ALMS1: variants seen among roughly 807,000 people sequenced by gnomAD.
The protein encoded by ALMS1 is ALMS1 centrosome and basal body associated protein, also known as centrosome-associated protein ALMS1.
A neutral mutation model predicts 352.2 loss-of-function variants in ALMS1; 271 were observed. That is an observed-to-expected ratio of 0.77 (90% confidence interval 0.70 to 0.85). The LOEUF is 0.85. ALMS1 is among the 40% of genes least tolerant of loss of function. The probability of loss-of-function intolerance (pLI) is 0.00; values close to 1 mark genes in which losing one functional copy is unlikely to be tolerated. For synonymous variants in ALMS1, 1,865 were observed against 1,761.2 expected (o/e 1.06, Z -1.48); for missense variants, 5,445 against 4,870.7 (o/e 1.12, Z -3.51).
In ALMS1 at chr2:73,467,394, A is replaced by G. The variant is rs376006726; in HGVS notation, c.7674+12099A>G. On this transcript the variant is annotated intron_variant, in intron 9 of 22. Transcript: ENST00000613296. ...ATATCACTGCCTGTTTGGTAATGCA[A>G]GTTAACCATAATGAGATACTGCTTC... 2.2e-4 allele frequency among the ~76,000 whole-genome samples: 33 copies of G among 152,246 alleles called. No homozygotes were observed. In the East Asian group the frequency reaches 5.8e-3, roughly 27 times the overall value.
intron 16 of ALMS1, among the ~76,000 whole-genome samples, chr2:73,577,211 G>C (rs1675071524): frequency 6.6e-6 from 1 of 152,122 alleles, no homozygotes; most frequent in African/African-American, 2.4e-5. Context: ...GTTTGAGAAG[G>C]ATTAATGTTA....
intron 20 of ALMS1, 142 bp from the exon 21 acceptor site, chr2:73,603,099 T>C: frequency 3.6e-5 from 27 of 752,236 alleles, no homozygotes; most frequent in South Asian, 3.6e-4. Flanking sequence ...TTACACTGGC[T>C]TGCCTTGGTC....
chr2:73,450,860 C>T lies in ALMS1; in HGVS notation c.4333C>T (p.His1445Tyr), dbSNP rs746087402. The T allele has an allele frequency of 1.2e-6, 2 of 1,614,088 alleles. No homozygotes were observed. The highest frequency in any genetic ancestry group is 1.7e-4 in the Middle Eastern group (1 of 6,060). ...TAGTTTCTACCAACAGGTCTTGCCA[C>T]ATAGTCATCTACCTGAAGAGGCTTT... ...PGSFYQQVLPHSHLPEEALEV... is the reference protein window; with the variant it reads ...PGSFYQQVLPYSHLPEEALEV... Residue 1445 changes from histidine to tyrosine, a missense_variant, in exon 8 of 23, where the codon CAT (histidine) becomes TAT (tyrosine). Coordinates refer to ENST00000613296, the MANE Select transcript of ALMS1 (RefSeq NM_001378454.1).
In ALMS1 at chr2:73,490,869, A is replaced by G; in HGVS notation, c.8910A>G (p.Gln2970=). 1 of 1,613,984 alleles carries G rather than the reference A, an allele frequency of 6.2e-7. No individual in the cohort carries two copies. Among genetic ancestry groups the G allele is most frequent in the Non-Finnish European group, 8.5e-7 (1 of 1,180,012 alleles). ...LPSPISLEQC[Q]SKAPGVDDQM... ...CTCCCATTTCTCTTGAACAATGCCA[A>G]AGCAAAGCGCCAGGTGTAGATGACC... Residue 2970 remains glutamine, a synonymous_variant, in exon 10 of 23, where the codon CAA becomes CAG. Transcript: ENST00000613296.
At chr2:73,597,554 T>A (rs13407099) in intron 16 of ALMS1, among the ~76,000 whole-genome samples, 1 of 152,318 alleles carries the variant, frequency 6.6e-6, no homozygotes, top group African/African-American at 2.4e-5. Flanking sequence ...GTTCCCTTTT[T>A]TAAGGAGAAA....
chr2:73,428,259 A>G (rs1278738663), intron 6 of ALMS1, among the ~76,000 whole-genome samples: 10 of 152,158 alleles, frequency 6.6e-5, no homozygotes, highest in African/African-American at 1.9e-4. Flanking sequence ...CTATTTTGCA[A>G]TTGACACTTA....
In ALMS1 at chr2:73,451,989, C is replaced by T. The variant is rs200266868; in HGVS notation, c.5462C>T (p.Pro1821Leu). 261 of 1,613,398 alleles carry T rather than the reference C, an allele frequency of 1.6e-4. 1 individual carries two copies. The highest frequency in any genetic ancestry group is 1.3e-3 in the Admixed American group (75 of 59,986). Residue 1821 changes from proline (P) to leucine (L), a missense_variant, in exon 8 of 23, where the codon CCG (proline) becomes CTG (leucine). Physicochemically the swap from Pro to Leu is moderately conservative, Grantham distance 98. Coordinates refer to ENST00000613296, the MANE Select transcript of ALMS1 (RefSeq NM_001378454.1). ...ATTGTTTCCTACCAGCGAGAGTTGCCGCATTTTACTGAAGCAGGTTTGAAA... is the reference window on the plus strand; with the variant it reads ...ATTGTTTCCTACCAGCGAGAGTTGCTGCATTTTACTGAAGCAGGTTTGAAA... ...KPIVSYQRELPHFTEAGLKIL... is the reference protein window; with the variant it reads ...KPIVSYQRELLHFTEAGLKIL...
chr2:73,531,904 A>G (rs2103986480), intron 11 of ALMS1, among the ~76,000 whole-genome samples: 1 of 152,346 alleles, frequency 6.6e-6, no homozygotes, highest in East Asian at 1.9e-4. Context: ...TCGTGAGAAC[A>G]AGGTGGGAAC....
Position 73,424,862 on chromosome 2 carries a change from A to G in ALMS1, c.1197A>G (p.Thr399=), listed in dbSNP as rs756136557. 6.2e-6 allele frequency: 10 copies of G among 1,603,738 alleles called. No individual in the cohort carries two copies. The highest frequency in any genetic ancestry group is 8.5e-6 in the Non-Finnish European group (10 of 1,174,388). Residue 399 remains threonine (T), a synonymous_variant, in exon 5 of 23, where the codon ACA becomes ACG. Transcript: ENST00000613296. ...CTCGTTCATATGGGCAGTATTGGAC[A>G]CAGGAAGATTCATCTAAGCAGGCAG... ...DAARSYGQYW[T]QEDSSKQAET...
At chr2:73,426,907 A>G (rs1006720176) in intron 6 of ALMS1, among the ~76,000 whole-genome samples, 5 of 152,240 alleles carry the variant, frequency 3.3e-5, no homozygotes, top group African/African-American at 1.2e-4. Flanking sequence ...GAAAAATTAT[A>G]TCCTTCAGTA....
intron 9 of ALMS1, among the ~76,000 whole-genome samples, chr2:73,473,269 A>G (rs1672505367): frequency 6.6e-6 from 1 of 151,680 alleles, no homozygotes; most frequent in African/African-American, 2.4e-5. Context: ...TTTCTTTCCT[A>G]TTACCTTTTT....
intron 10 of ALMS1, among the ~76,000 whole-genome samples, chr2:73,516,279 A>G (rs1162141022): frequency 6.6e-6 from 1 of 152,170 alleles, no homozygotes; most frequent in Non-Finnish European, 1.5e-5. Flanking sequence ...GTCTATTAAT[A>G]AAAAGTAAAA....
At chr2:73,519,640 A>G in intron 10 of ALMS1, 135 bp from the exon 11 acceptor site, 1 of 1,116,350 alleles carries the variant, frequency 9.0e-7, no homozygotes. Flanking sequence ...TTACCTTAAT[A>G]ACGTTTGACA....
chr2:73,599,010 C>T (rs1013781664), intron 16 of ALMS1, among the ~76,000 whole-genome samples: 40 of 152,230 alleles, frequency 2.6e-4, no homozygotes, highest in African/African-American at 8.9e-4. Context: ...AATTGGAGAG[C>T]GCTCTCTTCA....
At chr2:73,408,289 A>G (rs1378724070) in intron 1 of ALMS1, among the ~76,000 whole-genome samples, 1 of 152,202 alleles carries the variant, frequency 6.6e-6, no homozygotes, top group Non-Finnish European at 1.5e-5. Flanking sequence ...TTCTTGTGCT[A>G]TGAGTTGATT....
chr2:73,529,245 T>C (rs1318914398), intron 11 of ALMS1, among the ~76,000 whole-genome samples: 1 of 152,118 alleles, frequency 6.6e-6, no homozygotes, highest in East Asian at 1.9e-4. Flanking sequence ...GGTTTCACCA[T>C]GTTGGCCAAG....
intron 9 of ALMS1, among the ~76,000 whole-genome samples, chr2:73,478,300 A>T (rs968230577): frequency 1.3e-5 from 2 of 152,206 alleles, no homozygotes; most frequent in African/African-American, 4.8e-5. Flanking sequence ...TTTACTTGGC[A>T]AATACTAAAG....
intron 7 of ALMS1, among the ~76,000 whole-genome samples, chr2:73,436,923 C>A (rs977595581): frequency 6.6e-6 from 1 of 152,206 alleles, no homozygotes; most frequent in Non-Finnish European, 1.5e-5. Flanking sequence ...GTGAAGGGGT[C>A]ACACTTTCTT....
At chr2:73,494,436 G>C (rs1435958272) in intron 10 of ALMS1, among the ~76,000 whole-genome samples, 1 of 152,074 alleles carries the variant, frequency 6.6e-6, no homozygotes, top group East Asian at 1.9e-4. Flanking sequence ...AATTATTATT[G>C]GTGTAAAACT....
Sources: gnomAD v4.1 joint callset for allele counts (sites outside exome capture counted in the v4.1 genomes callset) on GRCh38, gnomAD v4.1.1 for gene constraint, MANE v1.5 for transcripts, NCBI Gene and HGNC (gene_info 2026-07-23, HGNC 2026-07-21) for gene names.